UBTD2: variants seen among roughly 807,000 people sequenced by gnomAD.
UBTD2 encodes ubiquitin domain-containing protein 2.
UBTD2 carries 9 observed loss-of-function variants against 19.8 expected under a neutral mutation model. The ratio of observed to expected loss-of-function variants is 0.46; its 90% CI spans 0.27 to 0.79. The LOEUF is 0.79. UBTD2 is among the 30% of genes least tolerant of loss of function. The pLI is 0.14. For missense variants in UBTD2, 250 were observed against 300.4 expected, an observed-to-expected ratio of 0.83 and a Z score of 1.24; for synonymous variants, 98 against 103.9, an observed-to-expected ratio of 0.94 and a Z score of 0.35.
chr5:172,279,284 T>C (rs1755666001), intron 1 of UBTD2, among the ~76,000 whole-genome samples: 1 of 152,264 alleles, frequency 6.6e-6, no homozygotes, highest in African/African-American at 2.4e-5. Flanking sequence ...ACGTAATAAC[T>C]GCTCTTGGCT....
chr5:172,252,096 A>G (rs1332019939), intron 1 of UBTD2, among the ~76,000 whole-genome samples: 2 of 152,268 alleles, frequency 1.3e-5, no homozygotes, highest in East Asian at 1.9e-4. Flanking sequence ...ACTAAACAGT[A>G]TAACAGGGAT....
intron 2 of UBTD2, among the ~76,000 whole-genome samples, chr5:172,230,658 T>C (rs1273354003): frequency 6.6e-6 from 1 of 152,154 alleles, no homozygotes; most frequent in Non-Finnish European, 1.5e-5. Context: ...CCAGAACTGA[T>C]ATCGAAGGCT....
At chr5:172,266,921 T>G (rs2113112098) in intron 1 of UBTD2, among the ~76,000 whole-genome samples, 1 of 151,570 alleles carries the variant, frequency 6.6e-6, no homozygotes, top group Non-Finnish European at 1.5e-5. Context: ...GCGCCTATAA[T>G]CCTAGCTACC....
At chr5:172,219,396 T>C (rs1771609352) in intron 2 of UBTD2, among the ~76,000 whole-genome samples, 1 of 152,224 alleles carries the variant, frequency 6.6e-6, no homozygotes, top group South Asian at 2.1e-4. Flanking sequence ...TTTAACTTTC[T>C]GAGTAGCATG....
intron 2 of UBTD2, among the ~76,000 whole-genome samples, chr5:172,229,500 CAAAAAAAAAA>C (rs5873303): frequency 8.7e-5 from 5 of 57,224 alleles, no homozygotes; most frequent in East Asian, 5.4e-4. Flanking sequence ...GACTCCGTCT[CAAAAAAAAAA>C]AAAAAAAAAA....
At chr5:172,239,121 T>G (rs564578835) in intron 1 of UBTD2, among the ~76,000 whole-genome samples, 6 of 152,284 alleles carry the variant, frequency 3.9e-5, no homozygotes, top group Admixed American at 6.5e-5. Flanking sequence ...TTAAAATGCC[T>G]AAAATGCCAA....
At chr5:172,260,651 C>A (rs1012317408) in intron 1 of UBTD2, among the ~76,000 whole-genome samples, 1 of 152,180 alleles carries the variant, frequency 6.6e-6, no homozygotes, top group Admixed American at 6.6e-5. Flanking sequence ...TATTACATGT[C>A]ATTTCATTCA....
At chr5:172,227,908 T>C (rs1771804039) in intron 2 of UBTD2, among the ~76,000 whole-genome samples, 2 of 152,086 alleles carry the variant, frequency 1.3e-5, no homozygotes, top group East Asian at 1.9e-4. Flanking sequence ...CTCTAACTCC[T>C]GACCTTGTGA....
chr5:172,255,594 G>A (rs887537915), intron 1 of UBTD2, among the ~76,000 whole-genome samples: 1 of 152,054 alleles, frequency 6.6e-6, no homozygotes, highest in Non-Finnish European at 1.5e-5. Flanking sequence ...GGACAAGGAC[G>A]GGAGCGCATG....
intron 1 of UBTD2, among the ~76,000 whole-genome samples, chr5:172,279,312 AAC>A (rs1307629316): frequency 6.6e-6 from 1 of 152,246 alleles, no homozygotes; most frequent in African/African-American, 2.4e-5. Flanking sequence ...TTATCTATGA[AAC>A]AGAGATACTA....
chr5:172,259,802 T>G (rs1252860092), intron 1 of UBTD2, among the ~76,000 whole-genome samples: 1 of 151,982 alleles, frequency 6.6e-6, no homozygotes, highest in Non-Finnish European at 1.5e-5. Context: ...GCCTGTAATC[T>G]CAGCACTTTG....
intron 1 of UBTD2, among the ~76,000 whole-genome samples, chr5:172,271,316 C>T (rs1420458169): frequency 1.3e-5 from 2 of 151,824 alleles, no homozygotes; most frequent in Non-Finnish European, 2.9e-5. Context: ...GTAGTCCCAG[C>T]TACTCAGGAG....
chr5:172,222,684 T>C, intron 2 of UBTD2, among the ~76,000 whole-genome samples: 1 of 152,072 alleles, frequency 6.6e-6, no homozygotes, highest in Non-Finnish European at 1.5e-5. Flanking sequence ...TCCCAAGAAA[T>C]AGAAATGATA....
chr5:172,264,073 G>A (rs531382535), intron 1 of UBTD2, among the ~76,000 whole-genome samples: 18 of 152,136 alleles, frequency 1.2e-4, no homozygotes, highest in African/African-American at 4.3e-4. Flanking sequence ...TTAGTCTTTG[G>A]TATTTTATTT....
intron 1 of UBTD2, among the ~76,000 whole-genome samples, chr5:172,238,471 C>T (rs977254029): frequency 6.6e-6 from 1 of 152,088 alleles, no homozygotes; most frequent in African/African-American, 2.4e-5. Context: ...CCCATCAATC[C>T]ACATTTACTT....
At chr5:172,266,415 A>C (rs948534560) in intron 1 of UBTD2, among the ~76,000 whole-genome samples, 8 of 152,182 alleles carry the variant, frequency 5.3e-5, no homozygotes, top group African/African-American at 1.7e-4. Flanking sequence ...CAGGCACCAG[A>C]CTTTACCTAC....
At chr5:172,235,177 A>AT (rs1171415966) in intron 1 of UBTD2, among the ~76,000 whole-genome samples, 1 of 152,228 alleles carries the variant, frequency 6.6e-6, no homozygotes, top group African/African-American at 2.4e-5. Flanking sequence ...TAAGAGCAGG[A>AT]TATGAGAGTC....
intron 1 of UBTD2, among the ~76,000 whole-genome samples, chr5:172,257,237 T>C (rs1755173542): frequency 2.6e-5 from 4 of 152,214 alleles, no homozygotes; most frequent in South Asian, 2.1e-4. Flanking sequence ...ACATGTAGTA[T>C]TTGCTTTTCT....
intron 2 of UBTD2, among the ~76,000 whole-genome samples, chr5:172,231,004 C>T (rs1008868380): frequency 3.3e-5 from 5 of 152,048 alleles, no homozygotes; most frequent in Admixed American, 6.6e-5. Flanking sequence ...GGGATGGTCT[C>T]GATCTCCTGA....
Sources: allele counts gnomAD v4.1 joint callset (sites outside exome capture counted in the v4.1 genomes callset), GRCh38; gene constraint gnomAD v4.1.1; transcripts MANE v1.5; gene names NCBI Gene and HGNC (gene_info 2026-07-23, HGNC 2026-07-21).